The following BBS9 variants were observed in gnomAD, a reference collection of about 807,000 sequenced individuals.
BBS9 encodes Bardet-Biedl syndrome 9, also known as protein PTHB1.
In BBS9, 89 loss-of-function variants were observed where a neutral mutation model predicts 117.7. That is an observed-to-expected ratio of 0.76 (90% CI 0.64 to 0.90). The LOEUF (loss-of-function observed/expected upper bound fraction) is 0.90, where lower values mean the gene tolerates loss of function less well. Among genes scored for constraint, BBS9 ranks in the 40% least tolerant of loss-of-function variants. BBS9 has a pLI of 0.00. For synonymous variants in BBS9, 379 were observed against 370.9 expected (o/e 1.02, Z -0.25); for missense variants, 982 against 1,042.2 (o/e 0.94, Z 0.80).
intron 19 of BBS9, among the ~76,000 whole-genome samples, chr7:33,454,530 C>G (rs1348402927): frequency 6.6e-6 from 1 of 152,242 alleles, no homozygotes; most frequent in Non-Finnish European, 1.5e-5. Flanking sequence ...TGGAAATAAT[C>G]TTTGATACTG....
intron 21 of BBS9, among the ~76,000 whole-genome samples, chr7:33,561,744 G>A (rs1856113509): frequency 6.6e-6 from 1 of 152,036 alleles, no homozygotes; most frequent in African/African-American, 2.4e-5. Context: ...GTATGAAGAA[G>A]GAAAAATGCT....
Position 33,132,685 on chromosome 7 carries a change from G to T in BBS9, c.-12+2644G>T, listed in dbSNP as rs375555410. Among the ~76,000 whole-genome samples the T allele has an allele frequency of 1.9e-4, 29 of 152,094 alleles. No individual in the cohort carries two copies. In the South Asian group the frequency reaches 3.7e-3, roughly 20 times the overall value. Reference sequence around the variant, plus strand: ...GACCAAAAAATGTTTTATTACTATTGTTCCTTACCATCTTTCCTAACCTGT... The same window carrying T: ...GACCAAAAAATGTTTTATTACTATTTTTCCTTACCATCTTTCCTAACCTGT... On this transcript the variant is annotated intron_variant, in intron 1 of 22. Coordinates refer to ENST00000242067, the MANE Select transcript of BBS9 (RefSeq NM_198428.3).
intron 5 of BBS9, 53 bp from the exon 6 acceptor site, chr7:33,257,183 T>C: frequency 8.0e-7 from 1 of 1,248,584 alleles, no homozygotes; most frequent in Non-Finnish European, 1.1e-6. Context: ...TTAATAAAAA[T>C]ATTATATTTA....
At chr7:33,472,987 A>G (rs1841271522) in intron 19 of BBS9, among the ~76,000 whole-genome samples, 1 of 151,924 alleles carries the variant, frequency 6.6e-6, no homozygotes, top group Admixed American at 6.6e-5. Context: ...CCTGGATCCA[A>G]CCTCTACCTT....
chr7:33,633,968 T>C (rs544956539), intron 21 of BBS9, among the ~76,000 whole-genome samples: 5 of 152,302 alleles, frequency 3.3e-5, no homozygotes, highest in African/African-American at 7.2e-5. Context: ...GGCCCTTCTC[T>C]TCACAATTCA....
At chr7:33,442,548 T>C (rs1012178111) in intron 19 of BBS9, among the ~76,000 whole-genome samples, 5 of 152,232 alleles carry the variant, frequency 3.3e-5, no homozygotes, top group African/African-American at 7.2e-5. Context: ...GAAAGTGTTT[T>C]TTAAAATAGT....
rs1796973884 is a variant in BBS9 at position 33,255,924 on chromosome 7, A to C, written c.443-1312A>C. 4.6e-5 allele frequency among the ~76,000 whole-genome samples: 7 copies of C among 151,938 alleles called. No individual in the cohort carries two copies. The South Asian group carries it at 1.5e-3, about 32-fold the overall frequency. ...TGTAGTCCCAGCACTTTGGAAGGCC[A>C]AGGTGGGCGGATCATGAGGTCAAGA... is the stretch of plus-strand genomic sequence containing the variant. On this transcript the variant is annotated intron_variant, in intron 5 of 22. Coordinates refer to ENST00000242067, the MANE Select transcript of BBS9 (RefSeq NM_198428.3).
chr7:33,539,589 C>T (rs1418796607), intron 21 of BBS9, among the ~76,000 whole-genome samples: 1 of 152,230 alleles, frequency 6.6e-6, no homozygotes, highest in African/African-American at 2.4e-5. Flanking sequence ...GGCACCTTTA[C>T]AGAAAGGGTC....
intron 21 of BBS9, among the ~76,000 whole-genome samples, chr7:33,598,133 CCT>C (rs1410661347): frequency 6.6e-6 from 1 of 151,922 alleles, no homozygotes; most frequent in African/African-American, 2.4e-5. Context: ...CCTTCAGGGG[CCT>C]CTCTGTTCAC....
At chr7:33,342,414 T>A (rs1353625657) in intron 11 of BBS9, among the ~76,000 whole-genome samples, 1 of 152,178 alleles carries the variant, frequency 6.6e-6, no homozygotes, top group Non-Finnish European at 1.5e-5. Flanking sequence ...GGGCAACTTA[T>A]ATAAGTTTTT....
chr7:33,278,408 T>C (rs1278381975), intron 9 of BBS9, among the ~76,000 whole-genome samples: 1 of 152,200 alleles, frequency 6.6e-6, no homozygotes, highest in Non-Finnish European at 1.5e-5. Context: ...AGTTTTAGCA[T>C]AGCACTTAAG....
At chr7:33,425,099 C>T (rs1833461289) in intron 19 of BBS9, among the ~76,000 whole-genome samples, 1 of 152,098 alleles carries the variant, frequency 6.6e-6, no homozygotes, top group African/African-American at 2.4e-5. Context: ...CTACAGTAAA[C>T]ACATAGAAGA....
chr7:33,614,297 G>T (rs774135739), intron 21 of BBS9, among the ~76,000 whole-genome samples: 1 of 151,962 alleles, frequency 6.6e-6, no homozygotes, highest in South Asian at 2.1e-4. Context: ...ATACAATAAC[G>T]TGACACATGA....
At chr7:33,558,624 A>G (rs568847412) in intron 21 of BBS9, among the ~76,000 whole-genome samples, 6 of 151,778 alleles carry the variant, frequency 4.0e-5, no homozygotes, top group Non-Finnish European at 8.8e-5. Flanking sequence ...CTTTTTTTTT[A>G]TGAACCTATT....
At chr7:33,277,901 G>A (rs1164129833) in intron 9 of BBS9, among the ~76,000 whole-genome samples, 1 of 152,090 alleles carries the variant, frequency 6.6e-6, no homozygotes, top group Non-Finnish European at 1.5e-5. Flanking sequence ...TGGAATAATG[G>A]CTGGCAATTG....
At chr7:33,602,849 T>C (rs1041293126) in intron 21 of BBS9, among the ~76,000 whole-genome samples, 2 of 152,150 alleles carry the variant, frequency 1.3e-5, no homozygotes, top group African/African-American at 4.8e-5. Flanking sequence ...CTACAGCACC[T>C]GAAGGTTAGA....
chr7:33,378,707 T>C (rs1237226659), intron 17 of BBS9, among the ~76,000 whole-genome samples: 2 of 152,086 alleles, frequency 1.3e-5, no homozygotes, highest in Non-Finnish European at 2.9e-5. Context: ...GGAGGAAGAG[T>C]TTGGGGCACT....
intron 20 of BBS9, among the ~76,000 whole-genome samples, chr7:33,532,356 G>T (rs550263444): frequency 1.3e-5 from 2 of 152,304 alleles, no homozygotes; most frequent in East Asian, 1.9e-4. Context: ...TTAGGAGTTT[G>T]TATTAGTCTG....
chr7:33,203,372 C>T (rs1255758115), intron 5 of BBS9, among the ~76,000 whole-genome samples: 3 of 152,148 alleles, frequency 2.0e-5, no homozygotes, highest in Non-Finnish European at 4.4e-5. Flanking sequence ...CCAGAGTTAG[C>T]ATTTCTAACA....
Sources: gnomAD v4.1 joint callset for allele counts (sites outside exome capture counted in the v4.1 genomes callset) on GRCh38, gnomAD v4.1.1 for gene constraint, MANE v1.5 for transcripts, NCBI Gene and HGNC (gene_info 2026-07-23, HGNC 2026-07-21) for gene names.